The following ASIC2 variants were observed in gnomAD, a reference collection of about 807,000 sequenced individuals.
ASIC2 encodes the protein acid-sensing ion channel 2.
In ASIC2, 25 loss-of-function variants were observed where a neutral mutation model predicts 57.3. The observed-to-expected ratio is 0.44, with a 90% CI of 0.32 to 0.61. ASIC2 has a LOEUF of 0.61. Ranked by LOEUF, ASIC2 falls within the 20% of genes least tolerant of loss-of-function variation. The pLI, the probability that ASIC2 is intolerant of heterozygous loss-of-function variation, is 0.06. For synonymous variants in ASIC2, 319 were observed against 307.5 expected, an observed-to-expected ratio of 1.04 and a Z score of -0.39; for missense variants, 641 against 738.1, an observed-to-expected ratio of 0.87 and a Z score of 1.52.
intron 1 of ASIC2, chr17:34,004,634 T>C (rs981187174): frequency 1.3e-5 from 2 of 152,332 alleles, no homozygotes; most frequent in Admixed American, 6.5e-5. Context: ...CTTGGCTCAG[T>C]TTCTGCTTCT....
At chr17:33,385,227 C>T (rs1036387556) in intron 1 of ASIC2, among the ~76,000 whole-genome samples, 3 of 152,356 alleles carry the variant, frequency 2.0e-5, no homozygotes, top group African/African-American at 7.2e-5. Flanking sequence ...AATAGACTAT[C>T]TTTGGCTGCT....
intron 1 of ASIC2, among the ~76,000 whole-genome samples, chr17:33,888,254 G>A (rs1413704086): frequency 1.3e-5 from 2 of 152,142 alleles, no homozygotes; most frequent in African/African-American, 4.8e-5. Context: ...CTTGCAGGAA[G>A]ATGTGATGAC....
chr17:33,698,917 C>T (rs769740950), intron 1 of ASIC2, among the ~76,000 whole-genome samples: 1 of 152,100 alleles, frequency 6.6e-6, no homozygotes, highest in African/African-American at 2.4e-5. Flanking sequence ...AGATGCCCCC[C>T]CTCTGCTTTT....
At chr17:33,135,829 A>G (rs1196496986) in intron 1 of ASIC2, among the ~76,000 whole-genome samples, 2 of 152,216 alleles carry the variant, frequency 1.3e-5, no homozygotes, top group Admixed American at 6.5e-5. Flanking sequence ...AAAAAAGTCA[A>G]TTAAGTCCAA....
intron 2 of ASIC2, among the ~76,000 whole-genome samples, chr17:33,110,417 G>A (rs2092252669): frequency 6.6e-6 from 1 of 152,178 alleles, no homozygotes; most frequent in South Asian, 2.1e-4. Flanking sequence ...GCATCTGGAA[G>A]GGCATTGAGT....
At chr17:33,430,766 C>T (rs566443627) in intron 1 of ASIC2, among the ~76,000 whole-genome samples, 7 of 152,190 alleles carry the variant, frequency 4.6e-5, no homozygotes, top group Non-Finnish European at 8.8e-5. Context: ...TAAAAACAAA[C>T]GATTAAAAAA....
At chr17:33,146,668 G>T (rs992713237) in intron 1 of ASIC2, among the ~76,000 whole-genome samples, 3 of 152,238 alleles carry the variant, frequency 2.0e-5, no homozygotes. Flanking sequence ...TGCCTCTGGA[G>T]CTCGGAGACC....
rs149375757 is a variant in ASIC2, at chr17:33,895,382, C to T, written c.555+260596G>A. 7.0e-4 allele frequency among the ~76,000 whole-genome samples: 106 copies of T among 152,162 alleles called. 2 individuals carry two copies. The East Asian group carries it at 0.017, about 25-fold the overall frequency. ...TTCACCATATTGGTCAGGTTGGTCTCGAACTCCTGACCTCAAATGATCTGC... is the reference window on the plus strand; with the variant it reads ...TTCACCATATTGGTCAGGTTGGTCTTGAACTCCTGACCTCAAATGATCTGC... On this transcript the variant is annotated intron_variant, in intron 1 of 9. Coordinates refer to the ASIC2 transcript ENST00000359872.
At chr17:34,061,988 G>C (rs1908986344) in intron 1 of ASIC2, among the ~76,000 whole-genome samples, 1 of 152,128 alleles carries the variant, frequency 6.6e-6, no homozygotes, top group Admixed American at 6.5e-5. Flanking sequence ...AGTCAGCAAG[G>C]AAACAATGGA....
intron 1 of ASIC2, among the ~76,000 whole-genome samples, chr17:34,051,968 G>C (rs1908585926): frequency 6.6e-6 from 1 of 152,000 alleles, no homozygotes; most frequent in Admixed American, 6.6e-5. Flanking sequence ...AAAATGGTTT[G>C]GCTCCTGGTT....
intron 1 of ASIC2, among the ~76,000 whole-genome samples, chr17:33,486,151 C>A (rs1369179252): frequency 6.6e-6 from 1 of 152,214 alleles, no homozygotes; most frequent in Admixed American, 6.5e-5. Context: ...TGCCCCTCAC[C>A]TTGACCCAGG....
Position 33,678,475 on chromosome 17 carries a change from T to A in ASIC2, c.555+477503A>T, listed in dbSNP as rs896698364. 1.0e-3 allele frequency among the ~76,000 whole-genome samples: 111 copies of A among 107,686 alleles called. 3 individuals carry two copies. The highest frequency in any genetic ancestry group is 4.7e-4 in the African/African-American group (12 of 25,802). 70.6% of individuals were successfully genotyped at this position (107,686 alleles called of 152,430 possible). A position where few individuals can be genotyped will look rare whatever the true frequency, so the allele number is the denominator to read the frequency against. On this transcript the variant is annotated intron_variant, in intron 1 of 9. Transcript: ENST00000359872. ...CACACACACACACACACACACACAC[T>A]GTAGAGGTGAGGGTGTCACAGCCCA...
chr17:33,996,590 A>G (rs1030649510), intron 1 of ASIC2, among the ~76,000 whole-genome samples: 1 of 152,210 alleles, frequency 6.6e-6, no homozygotes, highest in Non-Finnish European at 1.5e-5. Context: ...TTTTCCCAAC[A>G]CAGTCTGGGA....
At chr17:34,047,775 C>T (rs1287262818) in intron 1 of ASIC2, among the ~76,000 whole-genome samples, 1 of 152,164 alleles carries the variant, frequency 6.6e-6, no homozygotes, top group African/African-American at 2.4e-5. Flanking sequence ...GTACCTCTGC[C>T]TCCACTGTGA....
intron 1 of ASIC2, among the ~76,000 whole-genome samples, chr17:33,140,109 C>T (rs537568204): frequency 2.0e-5 from 3 of 152,222 alleles, no homozygotes; most frequent in African/African-American, 7.2e-5. Context: ...GCTACTGAAC[C>T]AGACTCTCTG....
At chr17:33,222,336 G>T (rs1355759057) in intron 1 of ASIC2, among the ~76,000 whole-genome samples, 2 of 152,202 alleles carry the variant, frequency 1.3e-5, no homozygotes, top group Non-Finnish European at 2.9e-5. Flanking sequence ...AAAGGTCACA[G>T]GTTGTATGAT....
At chr17:34,011,235 A>G (rs1241774872) in intron 1 of ASIC2, among the ~76,000 whole-genome samples, 2 of 152,132 alleles carry the variant, frequency 1.3e-5, no homozygotes, top group Non-Finnish European at 2.9e-5. Context: ...ACACACTGAA[A>G]CAGAAACGCA....
At chr17:33,194,808 G>A (rs1906561982) in intron 1 of ASIC2, among the ~76,000 whole-genome samples, 1 of 152,166 alleles carries the variant, frequency 6.6e-6, no homozygotes, top group Non-Finnish European at 1.5e-5. Flanking sequence ...GCTAAGACAC[G>A]TGGTGAAACC....
At chr17:33,229,056 C>T (rs374570834) in intron 1 of ASIC2, among the ~76,000 whole-genome samples, 2 of 152,282 alleles carry the variant, frequency 1.3e-5, no homozygotes, top group East Asian at 3.9e-4. Flanking sequence ...GAAGTGGGCA[C>T]AACTAGCCTC....
Sources: gnomAD v4.1 joint callset for allele counts (sites outside exome capture counted in the v4.1 genomes callset) on GRCh38, gnomAD v4.1.1 for gene constraint, MANE v1.5 for transcripts, NCBI Gene and HGNC (gene_info 2026-07-23, HGNC 2026-07-21) for gene names.